The following CDH13 variants were observed in gnomAD, a reference collection of about 807,000 sequenced individuals.
CDH13 encodes cadherin 13.
A neutral mutation model predicts 63.8 loss-of-function variants in CDH13; 24 were observed. That is an observed-to-expected ratio of 0.38 (90% CI 0.27 to 0.53). The LOEUF (loss-of-function observed/expected upper bound fraction) is 0.53, where lower values mean the gene tolerates loss of function less well. Among genes scored for constraint, CDH13 ranks in the 20% least tolerant of loss-of-function variants. CDH13 has a pLI of 0.85. For missense variants in CDH13, 1,049 were observed against 903.1 expected, an observed-to-expected ratio of 1.16 and a Z score of -2.07; for synonymous variants, 503 against 355.3, an observed-to-expected ratio of 1.42 and a Z score of -4.67.
intron 2 of CDH13, among the ~76,000 whole-genome samples, chr16:82,934,207 T>A (rs1352697153): frequency 1.3e-5 from 2 of 152,246 alleles, no homozygotes; most frequent in Admixed American, 1.3e-4. Flanking sequence ...TTCTGAAGTC[T>A]AGGCAGATGT....
At chr16:83,106,759 G>T (rs1597348034) in intron 3 of CDH13, among the ~76,000 whole-genome samples, 1 of 152,288 alleles carries the variant, frequency 6.6e-6, no homozygotes, top group African/African-American at 2.4e-5. Context: ...TAAACAAAAA[G>T]TATATTACAA....
chr16:83,414,704 A>G (rs1003584828), intron 6 of CDH13, among the ~76,000 whole-genome samples: 11 of 152,214 alleles, frequency 7.2e-5, no homozygotes, highest in Non-Finnish European at 1.3e-4. Flanking sequence ...TTCACGTCAC[A>G]TAATGTCTTC....
At position 82,643,548 on chromosome 16, in the gene CDH13, C is replaced by A. The variant is rs150785290; in HGVS notation, c.45+16411C>A. Among the ~76,000 whole-genome samples, 333 of 152,278 alleles carry A rather than the reference C, an allele frequency of 2.2e-3. 1 individual carries two copies. Among genetic ancestry groups the A allele is most frequent in the African/African-American group, 7.5e-3 (311 of 41,544 alleles). ...ATGTGTTTCATTCATTAAAAGCAAC[C>A]TGTGTTATTTGGAACTGCAGGTCAC... On this transcript the variant is annotated intron_variant, in intron 1 of 13. Coordinates refer to ENST00000567109, the MANE Select transcript of CDH13 (RefSeq NM_001257.5).
chr16:82,675,826 G>C (rs764571237), intron 1 of CDH13, among the ~76,000 whole-genome samples: 27 of 152,128 alleles, frequency 1.8e-4, no homozygotes, highest in Non-Finnish European at 4.0e-4. Flanking sequence ...ACTTGAGGGA[G>C]GGCACTTGAG....
rs115425330 is a variant in CDH13, at chr16:83,744,608, G to T, written c.1539-3500G>T. On this transcript the variant is annotated intron_variant, in intron 10 of 13. Transcript: ENST00000567109. ...CGGATGTTTCTGAAACATTCCAGGG[G>T]ACCGTGTGAGTCACATCAGGGAGGA... Among the ~76,000 whole-genome samples, 176 of 152,190 alleles carry T rather than the reference G, an allele frequency of 1.2e-3. 1 individual carries two copies. The highest frequency in any genetic ancestry group is 4.0e-3 in the African/African-American group (168 of 41,528).
Position 82,710,642 on chromosome 16 carries a change from T to C in CDH13, c.45+83505T>C, listed in dbSNP as rs2031866048. 2.1e-5 allele frequency among the ~76,000 whole-genome samples: 3 copies of C among 143,106 alleles called. No individual in the cohort carries two copies. In the South Asian group the frequency reaches 6.4e-4, roughly 30 times the overall value. The allele number at this position is 143,106 out of a possible 152,430, so 93.9% of individuals were successfully genotyped here. A position where few individuals can be genotyped will look rare whatever the true frequency, so the allele number is the denominator to read the frequency against. ...GATATACAAATATATTTACATATAA[T>C]ATAATCATTTTATTTGATTTAAAAA... On this transcript the variant is annotated intron_variant, in intron 1 of 13. Coordinates refer to ENST00000567109, the MANE Select transcript of CDH13 (RefSeq NM_001257.5).
chr16:83,498,932 T>C (rs574597203), intron 7 of CDH13, among the ~76,000 whole-genome samples: 298 of 152,278 alleles, frequency 2.0e-3, no homozygotes, highest in African/African-American at 7.1e-3. Flanking sequence ...GAGAACAGAC[T>C]CTCTCCTGCC....
chr16:83,152,414 T>G (rs1399355367), intron 4 of CDH13, among the ~76,000 whole-genome samples: 1 of 152,256 alleles, frequency 6.6e-6, no homozygotes, highest in East Asian at 1.9e-4. Context: ...AAAACAATAT[T>G]ATAGCATTGT....
At chr16:83,438,064 A>C (rs774369894) in intron 6 of CDH13, among the ~76,000 whole-genome samples, 2 of 152,174 alleles carry the variant, frequency 1.3e-5, no homozygotes, top group African/African-American at 4.8e-5. Flanking sequence ...AGTGGACTCT[A>C]AAGCACACAC....
chr16:83,378,188 C>T lies in CDH13; in HGVS notation c.781+33182C>T, dbSNP rs568763554. ...ATGGTAGATGCTGTGCAAGTGCTTT[C>T]GGTCTCATCCTGAAACAACTATTGA... is the stretch of plus-strand genomic sequence containing the variant. On this transcript the variant is annotated intron_variant, in intron 6 of 13. Transcript: ENST00000567109. 9.0e-4 allele frequency among the ~76,000 whole-genome samples: 137 copies of T among 152,276 alleles called. No individual in the cohort carries two copies. The Middle Eastern group carries it at 0.01, about 11-fold the overall frequency.
chr16:83,463,381 G>T (rs1024707176), intron 6 of CDH13, among the ~76,000 whole-genome samples: 2 of 152,162 alleles, frequency 1.3e-5, no homozygotes, highest in Non-Finnish European at 2.9e-5. Flanking sequence ...TGGGGGCTCG[G>T]CTCCATGTCA....
intron 1 of CDH13, among the ~76,000 whole-genome samples, chr16:82,817,379 A>G (rs971072633): frequency 1.4e-4 from 22 of 152,184 alleles, no homozygotes; most frequent in African/African-American, 5.1e-4. Context: ...TGACTGCACA[A>G]TAAGCCCAGT....
At position 82,895,214 on chromosome 16, in the gene CDH13, C is replaced by A. The variant is rs557357288; in HGVS notation, c.157+36741C>A. ...TAAGCAGCCGTTCTGCATTCCTCTA[C>A]CTCCAGCCCTTGACATCCACCAATA... On this transcript the variant is annotated intron_variant, in intron 2 of 13. Transcript: ENST00000567109. Among the ~76,000 whole-genome samples the A allele has an allele frequency of 1.1e-4, 16 of 152,268 alleles. No homozygotes were observed. In the South Asian group the frequency reaches 3.3e-3, roughly 32 times the overall value.
At chr16:83,149,733 G>A (rs1213607767) in intron 4 of CDH13, among the ~76,000 whole-genome samples, 3 of 152,144 alleles carry the variant, frequency 2.0e-5, no homozygotes, top group African/African-American at 7.2e-5. Context: ...TCAAAGCATT[G>A]GAAGCACTGG....
intron 2 of CDH13, among the ~76,000 whole-genome samples, chr16:82,910,002 T>C (rs1446176079): frequency 6.6e-6 from 1 of 152,222 alleles, no homozygotes; most frequent in African/African-American, 2.4e-5. Context: ...GCCATGCCAC[T>C]GGATCTGACC....
chr16:83,246,514 T>C (rs912495851), intron 5 of CDH13, among the ~76,000 whole-genome samples: 2 of 152,198 alleles, frequency 1.3e-5, no homozygotes, highest in Non-Finnish European at 2.9e-5. Context: ...CTCTTCTCTA[T>C]ACTTTTCCAT....
chr16:83,572,957 A>T (rs1032441086), intron 7 of CDH13, among the ~76,000 whole-genome samples: 1 of 152,218 alleles, frequency 6.6e-6, no homozygotes, highest in African/African-American at 2.4e-5. Flanking sequence ...TGAAATGTGT[A>T]CAGTACTTAC....
intron 8 of CDH13, among the ~76,000 whole-genome samples, chr16:83,605,021 A>G (rs907771256): frequency 6.6e-6 from 1 of 152,258 alleles, no homozygotes; most frequent in Non-Finnish European, 1.5e-5. Context: ...TCAAAATATC[A>G]TATTGTAAAC....
At chr16:83,552,142 G>A (rs1191401490) in intron 7 of CDH13, among the ~76,000 whole-genome samples, 3 of 152,186 alleles carry the variant, frequency 2.0e-5, no homozygotes, top group Non-Finnish European at 2.9e-5. Context: ...AGTGCCCTTT[G>A]TCCTCAGACA....
Sources: allele counts gnomAD v4.1 joint callset (sites outside exome capture counted in the v4.1 genomes callset), GRCh38; gene constraint gnomAD v4.1.1; transcripts MANE v1.5; gene names NCBI Gene and HGNC (gene_info 2026-07-23, HGNC 2026-07-21).